Variants in GLB1L2 observed in about 807,000 individuals in gnomAD.
GLB1L2 encodes the protein galactosidase beta 1 like 2, also known as beta-galactosidase-1-like protein 2.
In GLB1L2, 68 loss-of-function variants were observed where a neutral mutation model predicts 84.1. That is an observed-to-expected ratio of 0.81 (90% CI 0.67 to 0.99). The LOEUF (loss-of-function observed/expected upper bound fraction) is 0.99, where lower values mean the gene tolerates loss of function less well. Ranked by LOEUF, GLB1L2 falls within the 50% of genes least tolerant of loss-of-function variation. The probability of loss-of-function intolerance (pLI) is 0.00; values close to 1 mark genes in which losing one functional copy is unlikely to be tolerated. For missense variants in GLB1L2, 762 were observed against 805.6 expected (o/e 0.95, Z 0.66); for synonymous variants, 290 against 318.0 (o/e 0.91, Z 0.94).
intron 6 of GLB1L2, among the ~76,000 whole-genome samples, chr11:134,357,179 C>T (rs954659141): frequency 7.9e-5 from 12 of 152,328 alleles, no homozygotes; most frequent in Admixed American, 3.9e-4. Flanking sequence ...GCAGTGACTC[C>T]ACCTACCTGA....
chr11:134,353,279 G>A (rs527350827), intron 5 of GLB1L2, among the ~76,000 whole-genome samples: 13 of 152,032 alleles, frequency 8.6e-5, no homozygotes, highest in South Asian at 6.3e-4. Context: ...GTGTGGTGAC[G>A]GGCACCTGTA....
intron 5 of GLB1L2, among the ~76,000 whole-genome samples, chr11:134,351,865 CA>C (rs1421277385): frequency 6.6e-6 from 1 of 151,986 alleles, no homozygotes; most frequent in East Asian, 1.9e-4. Flanking sequence ...CTTTTTTTGA[CA>C]CTTCTATATC....
At chr11:134,374,773 C>A in intron 18 of GLB1L2, 55 bp downstream of exon 18, 2 of 1,444,162 alleles carry the variant, frequency 1.4e-6, no homozygotes, top group Non-Finnish European at 1.9e-6. Flanking sequence ...ACCTGCCGTC[C>A]CAGGGAGCCT....
intron 17 of GLB1L2, 50 bp downstream of exon 17, chr11:134,374,306 TGGAG>T: frequency 7.1e-7 from 1 of 1,403,560 alleles, no homozygotes; most frequent in South Asian, 1.2e-5. Flanking sequence ...CCTCCCGCCT[TGGAG>T]GGCTCTGAGC....
Position 134,336,820 on chromosome 11 carries a change from A to G in GLB1L2, c.86+4673A>G, listed in dbSNP as rs113301645. 5.3e-3 allele frequency among the ~76,000 whole-genome samples: 804 copies of G among 152,262 alleles called. 8 individuals carry two copies. Among genetic ancestry groups the G allele is most frequent in the African/African-American group, 0.018 (757 of 41,538 alleles). On this transcript the variant is annotated intron_variant, in intron 1 of 18. Transcript: ENST00000535456. ...GATATCATTTCATTTAGAGTCTACAAGCATCTTGAAGATCAGGGGCTTGTT... is the reference window on the plus strand; with the variant it reads ...GATATCATTTCATTTAGAGTCTACAGGCATCTTGAAGATCAGGGGCTTGTT...
rs141480972 is a variant in GLB1L2, at chr11:134,345,053, G to C, written c.373G>C (p.Ala125Pro). 2.5e-6 allele frequency: 4 copies of C among 1,612,722 alleles called. No individual in the cohort carries two copies. The Admixed American group carries it at 6.7e-5, about 27-fold the overall frequency. ...CCCTAGGGCCTTCGTCCTGATGGCCGCAGAGATCGGGCTGTGGGTGATTCT... is the reference window on the plus strand; with the variant it reads ...CCCTAGGGCCTTCGTCCTGATGGCCCCAGAGATCGGGCTGTGGGTGATTCT... ...LDLEAFVLMA[A>P]EIGLWVILRP... is the part of the protein sequence containing the mutation. Residue 125 changes from alanine (A) to proline (P), a missense_variant, in exon 4 of 19, where the codon GCA (alanine) becomes CCA (proline). Transcript: ENST00000535456.
intron 4 of GLB1L2, 87 bp from the exon 5 acceptor site, chr11:134,347,238 C>T (rs755542489): frequency 1.7e-5 from 16 of 933,624 alleles, no homozygotes; most frequent in African/African-American, 3.2e-5. Context: ...CACTGGGGGG[C>T]CTCTCCCTTC....
At chr11:134,367,095 T>G (rs995727737) in intron 8 of GLB1L2, 162 bp from the exon 9 acceptor site, 6 of 664,404 alleles carry the variant, frequency 9.0e-6, no homozygotes, top group Admixed American at 7.2e-5. Flanking sequence ...CAGGCGAATT[T>G]GGCCCTCACC....
intron 18 of GLB1L2, 69 bp downstream of exon 18, chr11:134,374,787 G>C: frequency 1.5e-6 from 2 of 1,368,720 alleles, no homozygotes; most frequent in Non-Finnish European, 2.1e-6. Flanking sequence ...GGAGCCTTCG[G>C]TCAGGGTGGA....
rs950795280 is a variant in GLB1L2 at position 134,332,133 on chromosome 11, C to T, written c.72C>T (p.Phe24=). 3 of 1,580,016 alleles carry T rather than the reference C, an allele frequency of 1.9e-6. No homozygotes were observed. Among genetic ancestry groups the T allele is most frequent in the African/African-American group, 1.4e-5 (1 of 73,118 alleles). The change falls in exon 1 of 19, where the codon TTC becomes TTT. Residue 24 remains phenylalanine (F), a synonymous_variant. Transcript: ENST00000535456. ...TCCTGCTGCTGGTCGTCTTGGGCTT[C>T]CTGGTGCTCCGCAGGTGAGAGAGAG... ...LGLLLLVVLG[F]LVLRRLDWST...
chr11:134,354,182 C>T (rs753646805), intron 5 of GLB1L2, among the ~76,000 whole-genome samples: 17 of 151,904 alleles, frequency 1.1e-4, no homozygotes, highest in Non-Finnish European at 2.2e-4. Flanking sequence ...TATAACGATT[C>T]CCTTTACCTT....
At chr11:134,347,559 G>T in intron 5 of GLB1L2, 126 bp downstream of exon 5, 2 of 690,552 alleles carry the variant, frequency 2.9e-6, no homozygotes, top group East Asian at 5.1e-5. Context: ...CTTCCTCACC[G>T]TCCGAGACTC....
chr11:134,332,856 C>G lies in GLB1L2; in HGVS notation c.86+709C>G, dbSNP rs116620238. On this transcript the variant is annotated intron_variant, in intron 1 of 18. Transcript: ENST00000535456. ...TGAAAAAGTTTTCTGGGTGCCCTAG[C>G]CCAGCATTTTTCTAAACTGTGCTTA... 4.7e-3 allele frequency among the ~76,000 whole-genome samples: 719 copies of G among 152,312 alleles called. 4 individuals carry two copies. The highest frequency in any genetic ancestry group is 0.017 in the African/African-American group (694 of 41,558).
At chr11:134,365,890 T>C (rs1178331879) in intron 8 of GLB1L2, among the ~76,000 whole-genome samples, 1 of 152,228 alleles carries the variant, frequency 6.6e-6, no homozygotes, top group African/African-American at 2.4e-5. Context: ...TGACCCGTGA[T>C]GGACAGAACT....
rs1310144306 is a variant in GLB1L2, at chr11:134,338,270, AG to A, written c.87-4483del. On this transcript the variant is annotated intron_variant, in intron 1 of 18. Coordinates refer to ENST00000535456, the MANE Select transcript of GLB1L2 (RefSeq NM_001370461.1). The surrounding 1 kb of genome is among the most constrained non-coding windows in gnomAD (Gnocchi z 6.2). ...CGTACCATGACCCCGGTTCCTGATG[AG>A]TGTTTGCAGGATTGACGGGTGATGC... is the stretch of plus-strand genomic sequence containing the variant. Among the ~76,000 whole-genome samples, 2 of 152,072 alleles carry A rather than the reference AG, an allele frequency of 1.3e-5. No homozygotes were observed. The highest frequency in any genetic ancestry group is 3.2e-3 in the Middle Eastern group (1 of 316).
intron 5 of GLB1L2, among the ~76,000 whole-genome samples, chr11:134,350,306 G>A (rs1943608065): frequency 6.6e-6 from 1 of 152,202 alleles, no homozygotes; most frequent in Non-Finnish European, 1.5e-5. Context: ...AATCACTAGG[G>A]TGGGCAGTTC....
chr11:134,367,562 G>A (rs1049143824), intron 9 of GLB1L2, among the ~76,000 whole-genome samples: 1 of 152,168 alleles, frequency 6.6e-6, no homozygotes, highest in African/African-American at 2.4e-5. Flanking sequence ...AATTAGAAGG[G>A]TAATGCATGC....
rs368005003 is a variant in GLB1L2, at chr11:134,374,614, G to T, written c.1720G>T (p.Gly574Trp). 4.3e-6 allele frequency: 7 copies of T among 1,613,640 alleles called. No individual in the cohort carries two copies. Among genetic ancestry groups the T allele is most frequent in the Non-Finnish European group, 5.9e-6 (7 of 1,179,736 alleles). ...CCTCTGTTTCAAGGGCTGGGAGAAG[G>T]GGGTTGTATTCATCAATGGCCAGAA... is the stretch of plus-strand genomic sequence containing the variant. Reference protein sequence around the residue: ...TFLKLEGWEKGVVFINGQNLG... With the variant: ...TFLKLEGWEKWVVFINGQNLG... The change falls in exon 18 of 19, where the codon GGG (glycine) becomes TGG (tryptophan). Residue 574 changes from glycine (G) to tryptophan (W), a missense_variant. By Grantham distance (184) the Gly-to-Trp change is radical. Around this residue, in one of 3 missense-constraint regions of GLB1L2, gnomAD observed 603 missense variants for 611.7 expected, o/e 0.99. Coordinates refer to ENST00000535456, the MANE Select transcript of GLB1L2 (RefSeq NM_001370461.1).
intron 5 of GLB1L2, among the ~76,000 whole-genome samples, chr11:134,347,687 G>A (rs1202654428): frequency 3.9e-5 from 6 of 152,184 alleles, no homozygotes; most frequent in African/African-American, 1.4e-4. Flanking sequence ...GCCACATACA[G>A]CACTGGAGAG....
Sources: gnomAD v4.1 joint callset for allele counts (sites outside exome capture counted in the v4.1 genomes callset) on GRCh38, gnomAD v4.1.1 for gene constraint, gnomAD v4.1.1 regional missense constraint, Gnocchi (gnomAD v3.1) non-coding constraint, MANE v1.5 for transcripts, NCBI Gene and HGNC (gene_info 2026-07-23, HGNC 2026-07-21) for gene names.